The following CSMD3 variants were observed in gnomAD, a reference collection of about 807,000 sequenced individuals.
CSMD3 encodes CUB and Sushi multiple domains 3.
A neutral mutation model predicts 435.2 loss-of-function variants in CSMD3; 177 were observed. The observed-to-expected ratio is 0.41, with a 90% CI of 0.36 to 0.46. The LOEUF is 0.46. CSMD3 is among the 20% of genes least tolerant of loss of function. CSMD3 has a pLI of 0.34. For missense variants in CSMD3, 4,265 were observed against 4,504.6 expected (o/e 0.95, Z 1.52); for synonymous variants, 1,656 against 1,520.5 (o/e 1.09, Z -2.07).
intron 3 of CSMD3, among the ~76,000 whole-genome samples, chr8:113,265,047 G>A (rs2132378940): frequency 6.6e-6 from 1 of 151,738 alleles, no homozygotes; most frequent in Non-Finnish European, 1.5e-5. Context: ...AGCCTACTGT[G>A]AGTGAAAAAT....
At chr8:112,242,477 G>C (rs201967370) in intron 65 of CSMD3, among the ~76,000 whole-genome samples, 1 of 152,078 alleles carries the variant, frequency 6.6e-6, no homozygotes, top group East Asian at 1.9e-4. Flanking sequence ...GATATGGCTA[G>C]AGAAGTTGAG....
At chr8:113,152,339 G>A (rs1394817012) in intron 4 of CSMD3, among the ~76,000 whole-genome samples, 2 of 151,984 alleles carry the variant, frequency 1.3e-5, no homozygotes, top group Admixed American at 6.6e-5. Flanking sequence ...ACGAAGATAC[G>A]TAAAAATCAA....
intron 6 of CSMD3, among the ~76,000 whole-genome samples, chr8:113,001,121 A>C (rs1444498458): frequency 6.6e-6 from 1 of 152,002 alleles, no homozygotes; most frequent in Non-Finnish European, 1.5e-5. Flanking sequence ...AATCTAGGCA[A>C]TCGTCTTTTC....
chr8:112,858,188 A>C (rs1473493020), intron 11 of CSMD3, among the ~76,000 whole-genome samples: 1 of 151,712 alleles, frequency 6.6e-6, no homozygotes, highest in Non-Finnish European at 1.5e-5. Context: ...ACAATGAATT[A>C]ATAATGTATT....
intron 20 of CSMD3, among the ~76,000 whole-genome samples, 162 bp from the exon 21 acceptor site, chr8:112,639,073 T>C (rs139374679): frequency 3.3e-5 from 5 of 152,080 alleles, no homozygotes; most frequent in African/African-American, 1.2e-4. Flanking sequence ...ATTATTCTTT[T>C]TGTGTGTGTT....
At chr8:112,457,963 G>A (rs766676388) in intron 32 of CSMD3, among the ~76,000 whole-genome samples, 17 of 151,930 alleles carry the variant, frequency 1.1e-4, no homozygotes, top group Non-Finnish European at 2.4e-4. Flanking sequence ...AAGAAACATA[G>A]AAAATGTCCT....
intron 13 of CSMD3, among the ~76,000 whole-genome samples, chr8:112,739,493 G>A (rs982509018): frequency 5.9e-5 from 9 of 151,632 alleles, no homozygotes; most frequent in African/African-American, 1.5e-4. Flanking sequence ...TGTAAAATTC[G>A]TTGTTTGTGC....
chr8:112,721,017 T>C (rs2076845841), intron 13 of CSMD3, among the ~76,000 whole-genome samples: 2 of 152,268 alleles, frequency 1.3e-5, no homozygotes, highest in South Asian at 2.1e-4. Flanking sequence ...GACCCTACAG[T>C]GCTTTAACAG....
intron 38 of CSMD3, among the ~76,000 whole-genome samples, chr8:112,355,504 A>T (rs1264924002): frequency 6.6e-6 from 1 of 152,130 alleles, no homozygotes; most frequent in Non-Finnish European, 1.5e-5. Context: ...TGTATAAGGA[A>T]CTTAAGTCAA....
intron 38 of CSMD3, among the ~76,000 whole-genome samples, chr8:112,374,199 C>T (rs1252881400): frequency 1.6e-5 from 2 of 123,064 alleles, no homozygotes; most frequent in Non-Finnish European, 3.8e-5. Flanking sequence ...AAACAAGAAA[C>T]ATATTATAAA....
At chr8:112,836,648 C>T (rs1362343178) in intron 11 of CSMD3, among the ~76,000 whole-genome samples, 2 of 151,838 alleles carry the variant, frequency 1.3e-5, no homozygotes, top group South Asian at 2.1e-4. Flanking sequence ...TCTCACAATA[C>T]GTAGTTTGAA....
chr8:112,859,068 C>T (rs2129852778), intron 11 of CSMD3, 77 bp downstream of exon 11: 3 of 1,360,672 alleles, frequency 2.2e-6, no homozygotes, highest in Non-Finnish European at 2.1e-6. Flanking sequence ...TTCCATACTG[C>T]ATGTTCCGTA....
At chr8:112,469,018 G>A (rs1818252268) in intron 32 of CSMD3, among the ~76,000 whole-genome samples, 1 of 151,982 alleles carries the variant, frequency 6.6e-6, no homozygotes, top group African/African-American at 2.4e-5. Context: ...GCAATTGACT[G>A]ACAAAGAGTA....
chr8:112,424,613 T>C (rs1289740991), intron 32 of CSMD3, among the ~76,000 whole-genome samples: 1 of 152,210 alleles, frequency 6.6e-6, no homozygotes, highest in Non-Finnish European at 1.5e-5. Context: ...ATGTCATAGC[T>C]TGATCCAAAT....
At chr8:113,088,868 A>C (rs2089902290) in intron 5 of CSMD3, among the ~76,000 whole-genome samples, 1 of 152,056 alleles carries the variant, frequency 6.6e-6, no homozygotes, top group African/African-American at 2.4e-5. Context: ...AATAATAAAA[A>C]AATAAAATAA....
chr8:112,814,049 T>C (rs1044567991), intron 12 of CSMD3, among the ~76,000 whole-genome samples: 1 of 152,204 alleles, frequency 6.6e-6, no homozygotes, highest in Admixed American at 6.5e-5. Flanking sequence ...CACATTTATT[T>C]AACTGTGAGC....
At chr8:112,821,833 G>A (rs1375990122) in intron 12 of CSMD3, among the ~76,000 whole-genome samples, 1 of 152,142 alleles carries the variant, frequency 6.6e-6, no homozygotes, top group Non-Finnish European at 1.5e-5. Context: ...TGTATAGGGA[G>A]TAAGGAAAGG....
At chr8:113,393,846 T>C (rs557733711) in intron 1 of CSMD3, among the ~76,000 whole-genome samples, 2 of 152,192 alleles carry the variant, frequency 1.3e-5, no homozygotes, top group African/African-American at 4.8e-5. Context: ...AATCCTGTAA[T>C]ATAAAATTTA....
intron 24 of CSMD3, among the ~76,000 whole-genome samples, chr8:112,571,375 A>T (rs954564862): frequency 3.3e-5 from 5 of 152,130 alleles, no homozygotes; most frequent in Non-Finnish European, 7.3e-5. Context: ...TTTTTAAAAA[A>T]ATTCTACAGT....
Sources: gnomAD v4.1 joint callset for allele counts (sites outside exome capture counted in the v4.1 genomes callset) on GRCh38, gnomAD v4.1.1 for gene constraint, MANE v1.5 for transcripts, NCBI Gene and HGNC (gene_info 2026-07-23, HGNC 2026-07-21) for gene names.